ATG16L2: variants seen among roughly 807,000 people sequenced by gnomAD.
ATG16L2 encodes autophagy related 16 like 2, also known as protein Atg16l2.
In ATG16L2, 77 loss-of-function variants were observed where a neutral mutation model predicts 84.7. The observed-to-expected ratio is 0.91, with a 90% CI of 0.76 to 1.10. The LOEUF (loss-of-function observed/expected upper bound fraction) is 1.10. ATG16L2 is among the 50% of genes least tolerant of loss of function. ATG16L2 has a pLI of 0.00. For synonymous variants in ATG16L2, 361 were observed against 342.8 expected (o/e 1.05, Z -0.59); for missense variants, 782 against 817.6 (o/e 0.96, Z 0.53).
intron 5 of ATG16L2, chr11:72,841,654 G>A: frequency 7.0e-7 from 1 of 1,425,804 alleles, no homozygotes; most frequent in Non-Finnish European, 9.3e-7. Context: ...TTCTCTGACT[G>A]CTCTGTACTC....
intron 5 of ATG16L2, among the ~76,000 whole-genome samples, chr11:72,835,366 C>T (rs895742495): frequency 6.6e-6 from 1 of 152,064 alleles, no homozygotes; most frequent in Non-Finnish European, 1.5e-5. Flanking sequence ...GGGAAGGACA[C>T]TGAGAAGAGG....
intron 15 of ATG16L2, 53 bp from the exon 16 acceptor site, chr11:72,828,676 G>C: frequency 6.2e-7 from 1 of 1,610,428 alleles, no homozygotes; most frequent in South Asian, 1.1e-5. Flanking sequence ...TCACTGCAGA[G>C]GGCAGAGACT....
chr11:72,835,120 T>C (rs1183067132), intron 5 of ATG16L2, among the ~76,000 whole-genome samples: 2 of 152,194 alleles, frequency 1.3e-5, no homozygotes, highest in Admixed American at 1.3e-4. Context: ...AATTTAGCTA[T>C]GACGCTGGGG....
chr11:72,825,440 G>A, intron 10 of ATG16L2, 33 bp downstream of exon 10: 1 of 1,558,476 alleles, frequency 6.4e-7, no homozygotes, highest in Non-Finnish European at 8.8e-7. Context: ...CCAACTTGGT[G>A]CTTCTCTCCA....
At chr11:72,824,367 G>A (rs1860206064) in intron 8 of ATG16L2, 1 of 587,196 alleles carries the variant, frequency 1.7e-6, no homozygotes, top group African/African-American at 1.9e-5. Context: ...GGGACCAAGA[G>A]CTCCAGCCTC....
intron 8 of ATG16L2, chr11:72,824,379 G>A: frequency 1.7e-6 from 1 of 583,006 alleles, no homozygotes; most frequent in East Asian, 2.9e-5. Flanking sequence ...TCCAGCCTCA[G>A]GCAGGGCAGG....
At chr11:72,828,030 C>G (rs1446911585) in intron 14 of ATG16L2, among the ~76,000 whole-genome samples, 1 of 152,268 alleles carries the variant, frequency 6.6e-6, no homozygotes, top group Non-Finnish European at 1.5e-5. Flanking sequence ...TGATCTCCAG[C>G]AATTACTGTT....
intron 5 of ATG16L2, chr11:72,838,885 A>G (rs1269964283): frequency 1.2e-6 from 2 of 1,601,954 alleles, no homozygotes; most frequent in Non-Finnish European, 1.7e-6. Context: ...CTGAGCAGGA[A>G]ACAATTACGT....
rs369667021 is a variant in ATG16L2, at chr11:72,823,368, C to T, written c.824+407C>T. 176 of 333,294 alleles carry T rather than the reference C, an allele frequency of 5.3e-4. 1 individual carries two copies. Among genetic ancestry groups the T allele is most frequent in the African/African-American group, 3.3e-3 (156 of 46,616 alleles). 20.6% of individuals were successfully genotyped at this position (333,294 alleles called of 1,614,324 possible). On this transcript the variant is annotated intron_variant, in intron 7 of 17. Coordinates refer to ENST00000321297, the MANE Select transcript of ATG16L2 (RefSeq NM_033388.2). Reference sequence around the variant, plus strand: ...AGGTGTGTACAAGCTTGACTGAGCCCGTCTGTATGTGTGAATATATAAGCA... The same window carrying T: ...AGGTGTGTACAAGCTTGACTGAGCCTGTCTGTATGTGTGAATATATAAGCA...
intron 5 of ATG16L2, among the ~76,000 whole-genome samples, chr11:72,836,559 A>C (rs1262324627): frequency 6.6e-6 from 1 of 152,110 alleles, no homozygotes; most frequent in African/African-American, 2.4e-5. Context: ...TCTAGTACCC[A>C]GGATATTACA....
At chr11:72,841,569 G>T in intron 5 of ATG16L2, 2 of 1,605,998 alleles carry the variant, frequency 1.2e-6, no homozygotes, top group South Asian at 1.1e-5. Context: ...CGTGTGGCTT[G>T]GGGGAAGGAG....
chr11:72,834,823 G>A (rs1478720588), intron 5 of ATG16L2, among the ~76,000 whole-genome samples: 1 of 152,218 alleles, frequency 6.6e-6, no homozygotes, highest in African/African-American at 2.4e-5. Context: ...GATCTCAGGT[G>A]ATCCACCAGC....
chr11:72,828,948 C>T lies in ATG16L2; in HGVS notation c.1736C>T (p.Thr579Ile). The change falls in exon 17 of 18, where the codon ACC becomes ATC. Residue 579 changes from threonine to isoleucine, a missense_variant. Transcript: ENST00000321297. Reference sequence around the variant, plus strand: ...GCCCTTTACATCTGGGATGTGGACACCGGGAAACTGGAGAGCAGACTACAG... The same window carrying T: ...GCCCTTTACATCTGGGATGTGGACATCGGGAAACTGGAGAGCAGACTACAG... Reference protein sequence around the residue: ...DGALYIWDVDTGKLESRLQGP... With the variant: ...DGALYIWDVDIGKLESRLQGP... 6.2e-7 allele frequency: 1 copy of T among 1,614,166 alleles called. No individual in the cohort carries two copies. The highest frequency in any genetic ancestry group is 8.5e-7 in the Non-Finnish European group (1 of 1,180,044).
chr11:72,824,932 GC>G, intron 9 of ATG16L2, 90 bp downstream of exon 9: 1 of 1,118,134 alleles, frequency 8.9e-7, no homozygotes, highest in African/African-American at 1.6e-5. Flanking sequence ...GTCCCAAGAG[GC>G]CAGGGAAGCA....
chr11:72,815,360 A>G (rs1859646495), intron 1 of ATG16L2, among the ~76,000 whole-genome samples: 1 of 152,174 alleles, frequency 6.6e-6, no homozygotes, highest in Non-Finnish European at 1.5e-5. Context: ...CTTAGCCAGG[A>G]AAATTTCTCT....
At chr11:72,819,870 C>G (rs542315775) in intron 3 of ATG16L2, among the ~76,000 whole-genome samples, 1 of 152,088 alleles carries the variant, frequency 6.6e-6, no homozygotes, top group Non-Finnish European at 1.5e-5. Context: ...CTCAGCCTCC[C>G]GAGTAGCTGG....
Position 72,817,783 on chromosome 11 carries a change from A to G in ATG16L2, c.246A>G (p.Gln82=). Residue 82 remains glutamine, a synonymous_variant, in exon 3 of 18, where the codon CAA becomes CAG. Transcript: ENST00000321297. ...PWEESELDSD[Q]VPSLVALRVK... ...AGGAGTCAGAGCTTGACTCAGACCA[A>G]GTCCCATCACTGGTCGCACTGAGGG... 1.2e-6 allele frequency: 2 copies of G among 1,613,750 alleles called. No individual in the cohort carries two copies. The highest frequency in any genetic ancestry group is 1.7e-5 in the Admixed American group (1 of 60,036).
intron 5 of ATG16L2, chr11:72,838,533 GC>G (rs1860801665): frequency 5.7e-6 from 3 of 528,076 alleles, no homozygotes; most frequent in South Asian, 2.1e-5. Context: ...CATGAGGGCT[GC>G]CCCCCTCTTT....
intron 3 of ATG16L2, chr11:72,819,151 C>T (rs2282613): frequency 0.63 from 95,126 of 151,928 alleles, 30,156 homozygotes; most frequent in Middle Eastern, 0.76. Flanking sequence ...GGTGGGCTGT[C>T]CTTCCTGTCT....
Sources: gnomAD v4.1 joint callset for allele counts (sites outside exome capture counted in the v4.1 genomes callset) on GRCh38, gnomAD v4.1.1 for gene constraint, MANE v1.5 for transcripts, NCBI Gene and HGNC (gene_info 2026-07-23, HGNC 2026-07-21) for gene names.